Variants in HYAL4 observed in about 807,000 individuals in gnomAD.
HYAL4 encodes hyaluronidase 4.
HYAL4 carries 37 observed loss-of-function variants against 35.2 expected under a neutral mutation model. The ratio of observed to expected loss-of-function variants is 1.05; its 90% CI spans 0.81 to 1.38. The LOEUF (loss-of-function observed/expected upper bound fraction) is 1.38. Ranked by LOEUF, HYAL4 falls within the 40% of genes most tolerant of loss-of-function variation. The pLI, the probability that HYAL4 is intolerant of heterozygous loss-of-function variation, is 0.00. For missense variants in HYAL4, 572 were observed against 572.4 expected (o/e 1.00, Z 0.01); for synonymous variants, 198 against 203.2 (o/e 0.97, Z 0.22).
chr7:123,775,498 G>A, the HYAL4 span, among the ~76,000 whole-genome samples: 2,004 of 152,090 alleles, frequency 0.013, 42 homozygotes, highest in African/African-American at 0.046. Context: ...CCATACTAAA[G>A]CTATATATAT....
At chr7:123,778,911 A>C in the HYAL4 span, among the ~76,000 whole-genome samples, 2 of 152,202 alleles carry the variant, frequency 1.3e-5, no homozygotes, top group Non-Finnish European at 2.9e-5. Context: ...ATATATTGCA[A>C]CAGTTTAAAT....
At chr7:123,777,474 TAGAC>T in the HYAL4 span, among the ~76,000 whole-genome samples, 7 of 152,202 alleles carry the variant, frequency 4.6e-5, no homozygotes, top group East Asian at 3.8e-4. Context: ...ATACTTTTGT[TAGAC>T]AGAGTTGACT....
the HYAL4 span, among the ~76,000 whole-genome samples, chr7:123,771,350 A>G: frequency 6.6e-6 from 1 of 152,164 alleles, no homozygotes; most frequent in African/African-American, 2.4e-5. Context: ...CAAAAACTAC[A>G]TGTACGTGTT....
upstream of HYAL4, among the ~76,000 whole-genome samples, chr7:123,841,451 C>T (rs1806057303): frequency 6.6e-6 from 1 of 151,818 alleles, no homozygotes; most frequent in Non-Finnish European, 1.5e-5. Flanking sequence ...CTAAAATTCT[C>T]TTTTCTGTGT....
At chr7:123,803,071 C>T in the HYAL4 span, among the ~76,000 whole-genome samples, 1 of 152,144 alleles carries the variant, frequency 6.6e-6, no homozygotes, top group Non-Finnish European at 1.5e-5. Flanking sequence ...CAAGCATTCC[C>T]TTCTTGAGAA....
intron 2 of HYAL4, among the ~76,000 whole-genome samples, chr7:123,849,510 C>G (rs1294576733): frequency 6.6e-6 from 1 of 152,064 alleles, no homozygotes; most frequent in East Asian, 1.9e-4. Context: ...TCATATTGGC[C>G]AGGCTGGTCT....
intron 2 of HYAL4, among the ~76,000 whole-genome samples, chr7:123,866,040 T>A (rs1027733360): frequency 6.6e-6 from 1 of 152,138 alleles, no homozygotes; most frequent in African/African-American, 2.4e-5. Context: ...AATCTCGCCC[T>A]TGTGATACAA....
the HYAL4 span, among the ~76,000 whole-genome samples, chr7:123,823,729 T>TTATA: frequency 6.8e-6 from 1 of 146,112 alleles, no homozygotes; most frequent in Non-Finnish European, 1.5e-5. Flanking sequence ...CATATATATT[T>TTATA]TATATATATA....
At chr7:123,834,225 G>A (rs1161874786) in intron 1 of HYAL4, among the ~76,000 whole-genome samples, 3 of 152,104 alleles carry the variant, frequency 2.0e-5, no homozygotes, top group African/African-American at 4.8e-5. Context: ...AGCATGGGAT[G>A]TGTTTCTTTT....
At chr7:123,818,334 G>GTC in the HYAL4 span, among the ~76,000 whole-genome samples, 1 of 152,152 alleles carries the variant, frequency 6.6e-6, no homozygotes, top group Non-Finnish European at 1.5e-5. Context: ...CTGGATCTAA[G>GTC]TCTCTGCTCT....
the HYAL4 span, among the ~76,000 whole-genome samples, chr7:123,790,079 G>A: frequency 9.9e-5 from 15 of 152,044 alleles, no homozygotes; most frequent in Non-Finnish European, 1.5e-4. Flanking sequence ...TCTTTGAGGC[G>A]GGGGAAACCT....
chr7:123,870,337 A>G (rs1342588797), intron 3 of HYAL4, among the ~76,000 whole-genome samples: 8 of 152,350 alleles, frequency 5.3e-5, no homozygotes, highest in Admixed American at 3.9e-4. Context: ...CATACCTCCA[A>G]CATCACTCAT....
At chr7:123,863,617 AAG>A (rs1348650358) in intron 2 of HYAL4, among the ~76,000 whole-genome samples, 1 of 152,184 alleles carries the variant, frequency 6.6e-6, no homozygotes, top group African/African-American at 2.4e-5. Flanking sequence ...TTCATTCAGC[AAG>A]AGAGAGGGAT....
chr7:123,825,768 C>G (rs553147262), upstream of HYAL4, among the ~76,000 whole-genome samples: 1 of 152,188 alleles, frequency 6.6e-6, no homozygotes, highest in African/African-American at 2.4e-5. Context: ...TTAGGCTTGT[C>G]AGATATAAAT....
chr7:123,768,297 G>A, the HYAL4 span, among the ~76,000 whole-genome samples: 4 of 152,118 alleles, frequency 2.6e-5, no homozygotes, highest in East Asian at 7.7e-4. Flanking sequence ...TCTCAATAAT[G>A]TAAGCAACCT....
At chr7:123,804,170 T>C in the HYAL4 span, among the ~76,000 whole-genome samples, 1 of 152,324 alleles carries the variant, frequency 6.6e-6, no homozygotes, top group African/African-American at 2.4e-5. Flanking sequence ...ATAAACACAG[T>C]AGCAAATGGC....
At chr7:123,842,224 A>G (rs1447791954), upstream of HYAL4, among the ~76,000 whole-genome samples, 1 of 152,072 alleles carries the variant, frequency 6.6e-6, no homozygotes, top group Non-Finnish European at 1.5e-5. Flanking sequence ...TTAAAAGAAC[A>G]TCTTTATTCC....
chr7:123,828,953 A>G (rs1449010325), upstream of HYAL4: 1 of 152,618 alleles, frequency 6.6e-6, no homozygotes, highest in Admixed American at 6.6e-5. Context: ...TGTTTTTCCT[A>G]CAGGAGAACT....
Position 123,839,175 on chromosome 7 carries a change from C to T in HYAL4, c.-256-5070C>T, listed in dbSNP as rs568943607. Among the ~76,000 whole-genome samples, 136 of 152,096 alleles carry T rather than the reference C, an allele frequency of 8.9e-4. No homozygotes were observed. The South Asian group carries it at 0.013, about 15-fold the overall frequency. Reference sequence around the variant, plus strand: ...TGACAGGCCACGGTGTGTGATGCTCCCCACTCTTTGTCCAAATGATCTCAT... The same window carrying T: ...TGACAGGCCACGGTGTGTGATGCTCTCCACTCTTTGTCCAAATGATCTCAT... On this transcript the variant is annotated intron_variant, in intron 1 of 4. Coordinates refer to the HYAL4 transcript ENST00000489978.
Sources: gnomAD v4.1 joint callset for allele counts (sites outside exome capture counted in the v4.1 genomes callset) on GRCh38, gnomAD v4.1.1 for gene constraint, MANE v1.5 for transcripts, NCBI Gene and HGNC (gene_info 2026-07-23, HGNC 2026-07-21) for gene names.